The following TNS3 variants were observed in gnomAD, a reference collection of about 807,000 sequenced individuals.
TNS3 encodes tensin-3.
Under a neutral mutation model 140.9 loss-of-function variants are expected in TNS3, and 45 were observed. The observed-to-expected ratio is 0.32, with a 90% confidence interval of 0.25 to 0.41. The LOEUF (loss-of-function observed/expected upper bound fraction) is 0.41, where lower values mean the gene tolerates loss of function less well. Among genes scored for constraint, TNS3 ranks in the 10% least tolerant of loss-of-function variants. TNS3 has a pLI of 1.00. For missense variants in TNS3, 1,716 were observed against 1,906.7 expected (o/e 0.90, Z 1.86); for synonymous variants, 815 against 788.4 (o/e 1.03, Z -0.56).
chr7:47,457,134 A>G (rs1291280745), intron 4 of TNS3, among the ~76,000 whole-genome samples: 5 of 9,604 alleles, frequency 5.2e-4, no homozygotes, highest in African/African-American at 8.3e-4. Context: ...AGGGGAGGGG[A>G]GGAGGGGAGG....
Position 47,303,116 on chromosome 7 carries a change from G to C in TNS3, c.3291C>G (p.Pro1097=). ...CCGAGGCCCGCTTCTTCTCAGGGAG[G>C]GGTGGCTGCCCGGGCAGGGTCACAC... ...GQGVTLPGQP[P]LPEKKRASEG... Residue 1097 remains proline, a synonymous_variant, in exon 22 of 31, where the codon CCC becomes CCG. Coordinates refer to ENST00000311160, the MANE Select transcript of TNS3 (RefSeq NM_022748.12). The C allele has an allele frequency of 6.2e-7, 1 of 1,614,060 alleles. No individual in the cohort carries two copies. The highest frequency in any genetic ancestry group is 8.5e-7 in the Non-Finnish European group (1 of 1,179,968).
chr7:47,281,190 G>A (rs773097839), intron 28 of TNS3, among the ~76,000 whole-genome samples: 4 of 152,216 alleles, frequency 2.6e-5, no homozygotes, highest in Non-Finnish European at 5.9e-5. Flanking sequence ...CCTTAAGGAA[G>A]GACTCCACAT....
intron 2 of TNS3, among the ~76,000 whole-genome samples, chr7:47,519,540 C>G (rs1584803239): frequency 6.6e-6 from 1 of 152,294 alleles, no homozygotes; most frequent in East Asian, 1.9e-4. Flanking sequence ...CCCAAGAACC[C>G]CAGTCCCCCA....
At chr7:47,501,016 A>G (rs1297958271) in intron 3 of TNS3, among the ~76,000 whole-genome samples, 1 of 152,156 alleles carries the variant, frequency 6.6e-6, no homozygotes, top group East Asian at 1.9e-4. Flanking sequence ...TGAACCCAAG[A>G]GGTGGACGTT....
intron 11 of TNS3, among the ~76,000 whole-genome samples, chr7:47,414,876 G>A (rs1223903671): frequency 6.6e-6 from 1 of 152,162 alleles, no homozygotes; most frequent in Non-Finnish European, 1.5e-5. Context: ...CCCCTTGCTG[G>A]CCGCCAGTCC....
chr7:47,292,184 G>T, intron 26 of TNS3, 152 bp from the exon 27 acceptor site: 1 of 708,822 alleles, frequency 1.4e-6, no homozygotes, highest in Non-Finnish European at 2.3e-6. Context: ...CAATAATTTG[G>T]CCCATAGAAA....
intron 16 of TNS3, among the ~76,000 whole-genome samples, chr7:47,379,844 G>A (rs553663301): frequency 7.2e-5 from 11 of 152,346 alleles, no homozygotes; most frequent in East Asian, 5.8e-4. Context: ...GCCGGAGGGC[G>A]CTGGAAAATC....
rs111378396 is a variant in TNS3, at chr7:47,489,309, G to T, written c.-114-8168C>A. Among the ~76,000 whole-genome samples, 1,426 of 152,264 alleles carry T rather than the reference G, an allele frequency of 9.4e-3. 17 individuals carry two copies. The highest frequency in any genetic ancestry group is 0.032 in the African/African-American group (1,340 of 41,530). On this transcript the variant is annotated intron_variant, in intron 3 of 30. Transcript: ENST00000311160. ...GCAGCTAGTGAAGATCATGTCTGTG[G>T]CACAGTAAAATGAAAAAAGAAAGGC...
chr7:47,369,756 A>G, intron 16 of TNS3, 135 bp from the exon 17 acceptor site: 2 of 1,071,738 alleles, frequency 1.9e-6, no homozygotes, highest in Non-Finnish European at 1.3e-6. Context: ...AAGGACAAAG[A>G]TTCCTCTAAC....
In TNS3 at chr7:47,530,838, A is replaced by AAAAAAAAAAAAAAATATATATAT; in HGVS notation, c.-264-1692_-264-1691insATATATATATTTTTTTTTTTTTT. 1.6e-4 allele frequency among the ~76,000 whole-genome samples: 9 copies of AAAAAAAAAAAAAAATATATATAT among 54,558 alleles called. No individual in the cohort carries two copies. The East Asian group carries it at 2.0e-3, about 12-fold the overall frequency. 35.8% of individuals were successfully genotyped at this position (54,558 alleles called of 152,430 possible). A position where few individuals can be genotyped will look rare whatever the true frequency, so the allele number is the denominator to read the frequency against. ...AACTCCATCTCAAAAAAAAAAAAAA[A>AAAAAAAAAAAAAAATATATATAT]ATATATATATATATATATATTTCTA... On this transcript the variant is annotated intron_variant, in intron 1 of 30. Coordinates refer to ENST00000311160, the MANE Select transcript of TNS3 (RefSeq NM_022748.12).
chr7:47,341,071 C>T (rs186796814), intron 20 of TNS3, among the ~76,000 whole-genome samples: 1 of 152,252 alleles, frequency 6.6e-6, no homozygotes, highest in African/African-American at 2.4e-5. Flanking sequence ...ACTAAACCAG[C>T]CTTGCATCTC....
At chr7:47,571,511 C>CAGAGCTCAT (rs1208913771) in intron 1 of TNS3, among the ~76,000 whole-genome samples, 1 of 158 alleles carries the variant, frequency 6.3e-3, no homozygotes, top group African/African-American at 0.01. Flanking sequence ...CTGGTGTCCC[C>CAGAGCTCAT]AGAGCTGACA....
intron 10 of TNS3, among the ~76,000 whole-genome samples, chr7:47,421,450 T>C (rs933610266): frequency 6.6e-6 from 1 of 150,960 alleles, no homozygotes; most frequent in Non-Finnish European, 1.5e-5. Context: ...TTTTTTTTTT[T>C]CTGATAGAGA....
intron 3 of TNS3, among the ~76,000 whole-genome samples, chr7:47,505,817 G>A (rs1798395630): frequency 6.6e-6 from 1 of 152,214 alleles, no homozygotes; most frequent in African/African-American, 2.4e-5. Context: ...GTGCATGCAT[G>A]TGTATTTATG....
intron 1 of TNS3, among the ~76,000 whole-genome samples, chr7:47,581,210 C>T (rs1194661991): frequency 6.6e-6 from 1 of 152,064 alleles, no homozygotes; most frequent in Non-Finnish European, 1.5e-5. Flanking sequence ...AGCACCGACA[C>T]AGAGACCCCT....
intron 2 of TNS3, among the ~76,000 whole-genome samples, chr7:47,520,413 C>T (rs1348507592): frequency 6.6e-6 from 1 of 152,196 alleles, no homozygotes; most frequent in African/African-American, 2.4e-5. Flanking sequence ...CTTGGCTACA[C>T]TACTCAGTGA....
At chr7:47,405,460 T>C (rs1023213711) in intron 13 of TNS3, 1 of 701,954 alleles carries the variant, frequency 1.4e-6, no homozygotes, top group Non-Finnish European at 2.6e-6. Flanking sequence ...CTAAGCCCCA[T>C]AGGTCAAAGA....
chr7:47,352,814 G>T (rs1789765086), intron 17 of TNS3, among the ~76,000 whole-genome samples: 1 of 152,192 alleles, frequency 6.6e-6, no homozygotes, highest in Admixed American at 6.5e-5. Context: ...TGGGTCCACA[G>T]GTGACTCCAT....
intron 20 of TNS3, among the ~76,000 whole-genome samples, chr7:47,330,910 G>A (rs1414269827): frequency 6.6e-6 from 1 of 152,114 alleles, no homozygotes; most frequent in Non-Finnish European, 1.5e-5. Context: ...CAGCCTCACG[G>A]GTCCTACAGG....
Sources: gnomAD v4.1 joint callset for allele counts (sites outside exome capture counted in the v4.1 genomes callset) on GRCh38, gnomAD v4.1.1 for gene constraint, MANE v1.5 for transcripts, NCBI Gene and HGNC (gene_info 2026-07-23, HGNC 2026-07-21) for gene names.